The following PTPRG variants were observed in gnomAD, a reference collection of about 807,000 sequenced individuals.
PTPRG encodes the protein receptor-type tyrosine-protein phosphatase gamma.
Under a neutral mutation model 165.3 loss-of-function variants are expected in PTPRG, and 102 were observed. The observed-to-expected ratio is 0.62, with a 90% CI of 0.53 to 0.73. The LOEUF is 0.73. PTPRG is among the 30% of genes least tolerant of loss of function. The pLI is 0.00. For synonymous variants in PTPRG, 675 were observed against 669.5 expected (o/e 1.01, Z -0.13); for missense variants, 1,866 against 1,861.4 (o/e 1.00, Z -0.05).
At chr3:62,256,145 C>G (rs763076679) in intron 16 of PTPRG, among the ~76,000 whole-genome samples, 4 of 152,086 alleles carry the variant, frequency 2.6e-5, no homozygotes, top group Non-Finnish European at 5.9e-5. Context: ...GATGATGATG[C>G]TAACCTACCC....
intron 2 of PTPRG, among the ~76,000 whole-genome samples, chr3:61,820,870 G>C (rs151005157): frequency 1.6e-4 from 25 of 152,052 alleles, no homozygotes; most frequent in African/African-American, 6.0e-4. Flanking sequence ...TGGAGAGCTT[G>C]ATTACTTGTT....
At chr3:62,096,115 C>G (rs916467889) in intron 5 of PTPRG, among the ~76,000 whole-genome samples, 1 of 151,834 alleles carries the variant, frequency 6.6e-6, no homozygotes, top group South Asian at 2.1e-4. Context: ...ATGGGCACCC[C>G]TTTGGCAAAA....
intron 2 of PTPRG, among the ~76,000 whole-genome samples, chr3:61,831,644 A>C (rs2036298698): frequency 6.6e-6 from 1 of 152,188 alleles, no homozygotes; most frequent in African/African-American, 2.4e-5. Flanking sequence ...TGTTTCTCAC[A>C]TTGATGACTT....
chr3:61,710,315 C>G (rs2031487909), intron 1 of PTPRG, among the ~76,000 whole-genome samples: 1 of 152,142 alleles, frequency 6.6e-6, no homozygotes, highest in African/African-American at 2.4e-5. Context: ...TAATTAGCAT[C>G]AATTATTGAT....
chr3:61,645,476 C>T (rs912364704), intron 1 of PTPRG, among the ~76,000 whole-genome samples: 1 of 152,128 alleles, frequency 6.6e-6, no homozygotes, highest in Non-Finnish European at 1.5e-5. Flanking sequence ...TGCATCTGTC[C>T]CAGACTTTGG....
chr3:62,088,273 A>C (rs574976894), intron 5 of PTPRG, among the ~76,000 whole-genome samples: 1 of 152,180 alleles, frequency 6.6e-6, no homozygotes, highest in Non-Finnish European at 1.5e-5. Flanking sequence ...GCAGCCCAAA[A>C]TGTCTGTGCT....
intron 28 of PTPRG, among the ~76,000 whole-genome samples, chr3:62,290,907 T>G (rs9864960): frequency 0.035 from 5,285 of 152,130 alleles, 302 homozygotes; most frequent in African/African-American, 0.12. Flanking sequence ...AAAAGATGTA[T>G]CAACTTGATT....
In PTPRG at chr3:62,219,078, A is replaced by C; in HGVS notation, c.2288+95A>C. ...GAATCCCACGGCCTCTGCATTCAGG[A>C]AGGTGAGGTAGCTTAAGTGTTTCTG... is the stretch of plus-strand genomic sequence containing the variant. On this transcript the variant is annotated intron_variant, in intron 13 of 29. Transcript: ENST00000474889. This position sits in a 1 kb window ranked among gnomAD's most constrained non-coding sequence, Gnocchi z 4.5. The C allele has an allele frequency of 6.7e-7, 1 of 1,487,190 alleles. No homozygotes were observed. The allele number at this position is 1,487,190 out of a possible 1,614,324, so 92.1% of individuals were successfully genotyped here.
chr3:62,170,703 A>G (rs1389704065), intron 8 of PTPRG, among the ~76,000 whole-genome samples: 1 of 152,164 alleles, frequency 6.6e-6, no homozygotes. Context: ...TCTTTAAGAC[A>G]TGGGAATATT....
At chr3:61,869,506 A>T (rs773205517) in intron 2 of PTPRG, among the ~76,000 whole-genome samples, 4 of 152,132 alleles carry the variant, frequency 2.6e-5, no homozygotes, top group African/African-American at 4.8e-5. Context: ...CCCTGCGAAC[A>T]TTCCAAAGTT....
chr3:61,563,646 T>C (rs1444449436), intron 1 of PTPRG, among the ~76,000 whole-genome samples: 1 of 151,970 alleles, frequency 6.6e-6, no homozygotes, highest in East Asian at 1.9e-4. Flanking sequence ...GAGGTGGAGG[T>C]TATCTGAATC....
chr3:61,679,272 G>T (rs6787964), intron 1 of PTPRG, among the ~76,000 whole-genome samples: 85,893 of 152,098 alleles, frequency 0.56, 25,220 homozygotes, highest in South Asian at 0.7. Flanking sequence ...TGCGCATTGG[G>T]TTCATTATAA....
At chr3:61,866,582 CTTTTTTTTTTTTTTTTTTTTT>C (rs532356516) in intron 2 of PTPRG, among the ~76,000 whole-genome samples, 1,172 of 69,126 alleles carry the variant, frequency 0.017, 35 homozygotes, top group African/African-American at 0.046. Context: ...ACTGTTTGCT[CTTTTTTTTTTTTTTTTTTTTT>C]TTTTTTTTTT....
chr3:61,693,368 G>GA (rs1553650857), intron 1 of PTPRG, among the ~76,000 whole-genome samples: 2 of 152,120 alleles, frequency 1.3e-5, no homozygotes, highest in Non-Finnish European at 2.9e-5. Flanking sequence ...AACTTGGCAC[G>GA]ATATTCCTTT....
intron 2 of PTPRG, among the ~76,000 whole-genome samples, chr3:61,776,923 C>G (rs1575655436): frequency 6.6e-6 from 1 of 152,034 alleles, no homozygotes; most frequent in East Asian, 1.9e-4. Context: ...CTTACTATTT[C>G]TGCACTGAAC....
intron 2 of PTPRG, among the ~76,000 whole-genome samples, chr3:61,855,944 C>T (rs1387288038): frequency 6.6e-6 from 1 of 151,884 alleles, no homozygotes; most frequent in East Asian, 1.9e-4. Flanking sequence ...AAACAGATAT[C>T]TCTATATCCC....
At chr3:62,049,150 G>A (rs574437722) in intron 4 of PTPRG, among the ~76,000 whole-genome samples, 1 of 151,792 alleles carries the variant, frequency 6.6e-6, no homozygotes, top group Non-Finnish European at 1.5e-5. Flanking sequence ...GGGGAGAAAC[G>A]TATCTCATCG....
intron 13 of PTPRG, among the ~76,000 whole-genome samples, chr3:62,227,883 T>C (rs183304495): frequency 1.2e-3 from 179 of 152,304 alleles, no homozygotes; most frequent in Admixed American, 2.3e-3. Flanking sequence ...AATAGAAAGA[T>C]GTGATGAAAA....
intron 4 of PTPRG, among the ~76,000 whole-genome samples, chr3:62,056,343 C>T (rs976838097): frequency 2.0e-5 from 3 of 152,124 alleles, no homozygotes; most frequent in East Asian, 1.9e-4. Context: ...CTGTGACCCA[C>T]GGACCACATG....
Sources: gnomAD v4.1 joint callset for allele counts (sites outside exome capture counted in the v4.1 genomes callset) on GRCh38, gnomAD v4.1.1 for gene constraint, Gnocchi (gnomAD v3.1) non-coding constraint, MANE v1.5 for transcripts, NCBI Gene and HGNC (gene_info 2026-07-23, HGNC 2026-07-21) for gene names.